Variants in KIF14 observed in about 807,000 individuals in gnomAD.
KIF14 encodes the protein kinesin family member 14, also known as kinesin-like protein KIF14.
A neutral mutation model predicts 176.2 loss-of-function variants in KIF14; 98 were observed. The observed-to-expected ratio is 0.56, with a 90% CI of 0.47 to 0.66. The LOEUF is 0.66. KIF14 is among the 30% of genes least tolerant of loss of function. KIF14 has a pLI of 0.00. For missense variants in KIF14, 1,751 were observed against 1,920.4 expected (o/e 0.91, Z 1.65); for synonymous variants, 566 against 632.2 (o/e 0.90, Z 1.57).
At chr1:200,603,451 C>CT in intron 9 of KIF14, 110 bp from the exon 10 acceptor site, 1 of 620,602 alleles carries the variant, frequency 1.6e-6, no homozygotes, top group Non-Finnish European at 2.8e-6. Context: ...TACTTTTTTA[C>CT]TTTCTTTTTT....
rs374708729 is a variant in KIF14 at position 200,598,426 on chromosome 1, T to C, written c.2365-5A>G. 8 of 1,598,156 alleles carry C rather than the reference T, an allele frequency of 5.0e-6. No individual in the cohort carries two copies. The African/African-American group carries it at 1.1e-4, about 22-fold the overall frequency. On this transcript the variant is annotated splice_region_variant and splice_polypyrimidine_tract_variant and intron_variant, in intron 13 of 29. Coordinates refer to ENST00000367350, the MANE Select transcript of KIF14 (RefSeq NM_014875.3). ...TTGAAACATAATTCCTGCTTTCTGG[T>C]AGAAGTCAGAAAAAGAAATTAATCT...
chr1:200,598,543 G>C (rs1188542529), intron 13 of KIF14, 122 bp from the exon 14 acceptor site: 3 of 592,890 alleles, frequency 5.1e-6, no homozygotes, highest in Non-Finnish European at 8.0e-6. Flanking sequence ...CTAAATTAAA[G>C]GTTATTTATT....
chr1:200,577,439 T>G (rs1039260841), intron 21 of KIF14, among the ~76,000 whole-genome samples: 1 of 152,126 alleles, frequency 6.6e-6, no homozygotes, highest in African/African-American at 2.4e-5. Flanking sequence ...ATTAAAAGCG[T>G]GAGCCACCGT....
chr1:200,580,902 A>G (rs749489766), intron 20 of KIF14, among the ~76,000 whole-genome samples: 1 of 152,042 alleles, frequency 6.6e-6, no homozygotes, highest in Non-Finnish European at 1.5e-5. Context: ...CTAGGTCAAG[A>G]GTTTGAAACC....
intron 16 of KIF14, among the ~76,000 whole-genome samples, chr1:200,591,525 A>G (rs1038685772): frequency 1.3e-5 from 2 of 152,220 alleles, no homozygotes; most frequent in Admixed American, 1.3e-4. Context: ...TTTTATTTGT[A>G]TATACTTTAC....
rs1242787914 is a variant in KIF14 at position 200,553,678 on chromosome 1, A to C, written c.4657T>G (p.Ser1553Ala). 3.7e-6 allele frequency: 6 copies of C among 1,613,894 alleles called. No individual in the cohort carries two copies. The highest frequency in any genetic ancestry group is 4.2e-6 in the Non-Finnish European group (5 of 1,179,904). The change falls in exon 30 of 30, where the codon TCT (serine) becomes GCT (alanine). Residue 1553 changes from serine to alanine, a missense_variant. Physicochemically the swap from Ser to Ala is moderately conservative, Grantham distance 99. Coordinates refer to ENST00000367350, the MANE Select transcript of KIF14 (RefSeq NM_014875.3). Reference protein sequence around the residue: ...SDFYSDFSVPSTSVGSYESRV... With the variant: ...SDFYSDFSVPATSVGSYESRV... ...CTCTCATAGCTGCCAACAGAAGTAG[A>C]AGGCACACTGAAGTCACTGTAAAAA... is the stretch of plus-strand genomic sequence containing the variant.
chr1:200,591,525 AT>A (rs1360270052), intron 16 of KIF14, among the ~76,000 whole-genome samples: 1 of 152,220 alleles, frequency 6.6e-6, no homozygotes, highest in Non-Finnish European at 1.5e-5. Flanking sequence ...TTTTATTTGT[AT>A]ATACTTTACC....
intron 20 of KIF14, 57 bp from the exon 21 acceptor site, chr1:200,580,440 C>T (rs902628530): frequency 3.4e-6 from 4 of 1,178,168 alleles, no homozygotes; most frequent in Non-Finnish European, 4.5e-6. Context: ...TCCATTTATA[C>T]TAAGAGTTTT....
intron 27 of KIF14, among the ~76,000 whole-genome samples, chr1:200,557,568 G>A (rs1656903942): frequency 6.6e-6 from 1 of 152,162 alleles, no homozygotes; most frequent in South Asian, 2.1e-4. Context: ...GCAGCTTAAT[G>A]TTCCATGTCT....
chr1:200,563,407 C>T (rs1238902885), intron 25 of KIF14, among the ~76,000 whole-genome samples: 3 of 151,990 alleles, frequency 2.0e-5, no homozygotes, highest in African/African-American at 7.2e-5. Context: ...CTCTGTCATC[C>T]AGGCTGGAAT....
Position 200,571,856 on chromosome 1 carries a change from T to C in KIF14, c.3567-1851A>G, listed in dbSNP as rs1469917029. 2.0e-5 allele frequency among the ~76,000 whole-genome samples: 3 copies of C among 152,218 alleles called. 1 individual carries two copies. The East Asian group carries it at 5.8e-4, about 29-fold the overall frequency. ...GCAACAATATCATAGTTAAACAACG[T>C]TTAAACCCAAGTAAAATGCTTGTCA... is the stretch of plus-strand genomic sequence containing the variant. On this transcript the variant is annotated intron_variant, in intron 22 of 29. Transcript: ENST00000367350.
At position 200,615,376 on chromosome 1, in the gene KIF14, G is replaced by C; in HGVS notation, c.1346C>G (p.Thr449Ser). The C allele has an allele frequency of 1.2e-6, 2 of 1,613,296 alleles. No homozygotes were observed. Among genetic ancestry groups the C allele is most frequent in the Non-Finnish European group, 1.7e-6 (2 of 1,179,664 alleles). ...TTACGTATATGATTTTCCAGAGCCA[G>C]TCTGACCATAAGCAAAAAGACAGGT... is the stretch of plus-strand genomic sequence containing the variant. ...FNTCLFAYGQ[T>S]GSGKSYTMMG... Residue 449 changes from threonine (T) to serine (S), a missense_variant, in exon 3 of 30, where the codon ACT becomes AGT. Physicochemically the swap from Thr to Ser is moderately conservative, Grantham distance 58. Transcript: ENST00000367350.
Position 200,603,257 on chromosome 1 carries a change from A to T in KIF14, c.1948T>A (p.Phe650Ile), listed in dbSNP as rs1423608773. 6.2e-7 allele frequency: 1 copy of T among 1,607,728 alleles called. No homozygotes were observed. The highest frequency in any genetic ancestry group is 1.7e-5 in the Admixed American group (1 of 59,966). ...AGAACAGATTCACGATAAGGAATAA[A>T]AACACTCCTTTGGTTTGCTTGTTCC... Reference protein sequence around the residue: ...LSEQANQRSVFIPYRESVLTW... With the variant: ...LSEQANQRSVIIPYRESVLTW... Residue 650 changes from phenylalanine to isoleucine, a missense_variant, in exon 10 of 30, where the codon TTT becomes ATT. Phe to Ile is a conservative substitution (Grantham distance 21, BLOSUM62 0). Coordinates refer to ENST00000367350, the MANE Select transcript of KIF14 (RefSeq NM_014875.3).
chr1:200,574,062 T>A (rs78570184), intron 22 of KIF14, among the ~76,000 whole-genome samples: 24 of 152,196 alleles, frequency 1.6e-4, no homozygotes, highest in Non-Finnish European at 1.3e-4. Flanking sequence ...AATCTCAGTT[T>A]CTTCATCTGT....
intron 14 of KIF14, among the ~76,000 whole-genome samples, chr1:200,594,368 C>CAAAAAAAAA (rs371729211): frequency 2.3e-3 from 216 of 92,168 alleles, no homozygotes; most frequent in East Asian, 4.2e-3. Flanking sequence ...CCCAAAAATT[C>CAAAAAAAAA]AAAAAAAAAA....
chr1:200,601,928 A>G lies in KIF14; in HGVS notation c.2120T>C (p.Val707Ala). Residue 707 changes from valine (V) to alanine (A), a missense_variant, in exon 11 of 30, where the codon GTA becomes GCA. Coordinates refer to ENST00000367350, the MANE Select transcript of KIF14 (RefSeq NM_014875.3). The part of the protein sequence containing the change: ...QARLIVNIAK[V>A]NEDMNAKLIR... ...TAACTTAGCGTTCATATCTTCATTT[A>G]CTTTAGCAATGTTGACTATTAAACG... 1 of 1,610,280 alleles carries G rather than the reference A, an allele frequency of 6.2e-7. No homozygotes were observed. The highest frequency in any genetic ancestry group is 8.5e-7 in the Non-Finnish European group (1 of 1,178,746).
intron 23 of KIF14, among the ~76,000 whole-genome samples, chr1:200,569,240 C>T (rs10800710): frequency 0.79 from 120,753 of 152,076 alleles, 48,289 homozygotes; most frequent in African/African-American, 0.89. Context: ...GGCAGTAATT[C>T]TTAAATTGTA....
rs200732301 is a variant in KIF14 at position 200,592,162 on chromosome 1, A to G, written c.2731T>C (p.Ser911Pro). The G allele has an allele frequency of 7.7e-5, 124 of 1,613,788 alleles. No homozygotes were observed. The African/African-American group carries it at 1.5e-3, about 20-fold the overall frequency. ...TCACTTATAGGAGTATCTCTTCCAG[A>G]TGGCCTTTTTCCTTTCTGGACTTCT... ...PVEVQKGKRP[S>P]GRDTPISEGP... Residue 911 changes from serine (S) to proline (P), a missense_variant, in exon 16 of 30, where the codon TCT (serine) becomes CCT (proline). Transcript: ENST00000367350.
At chr1:200,605,500 C>A in intron 7 of KIF14, 110 bp from the exon 8 acceptor site, 1 of 630,172 alleles carries the variant, frequency 1.6e-6, no homozygotes. Context: ...CAGACTGTAA[C>A]TCAATGATAT....
Sources: gnomAD v4.1 joint callset for allele counts (sites outside exome capture counted in the v4.1 genomes callset) on GRCh38, gnomAD v4.1.1 for gene constraint, MANE v1.5 for transcripts, NCBI Gene and HGNC (gene_info 2026-07-23, HGNC 2026-07-21) for gene names.